The following PTPN5 variants were observed in gnomAD, a reference collection of about 807,000 sequenced individuals.
The protein encoded by PTPN5 is tyrosine-protein phosphatase non-receptor type 5.
A neutral mutation model predicts 73.9 loss-of-function variants in PTPN5; 29 were observed. The ratio of observed to expected loss-of-function variants is 0.39; its 90% confidence interval spans 0.29 to 0.54. PTPN5 has a LOEUF of 0.54. Ranked by LOEUF, PTPN5 falls within the 20% of genes least tolerant of loss-of-function variation. The probability of loss-of-function intolerance (pLI) is 0.65; values close to 1 mark genes in which losing one functional copy is unlikely to be tolerated. For synonymous variants in PTPN5, 267 were observed against 304.7 expected, an observed-to-expected ratio of 0.88 and a Z score of 1.29; for missense variants, 652 against 751.4, an observed-to-expected ratio of 0.87 and a Z score of 1.55.
chr11:18,791,215 C>A (rs1851907320), intron 1 of PTPN5, among the ~76,000 whole-genome samples: 1 of 152,228 alleles, frequency 6.6e-6, no homozygotes, highest in African/African-American at 2.4e-5. Context: ...CACCAGCCTC[C>A]GCCGGCCGCA....
At chr11:18,791,286 G>T (rs1009807569) in intron 1 of PTPN5, among the ~76,000 whole-genome samples, 2 of 152,336 alleles carry the variant, frequency 1.3e-5, no homozygotes, top group Admixed American at 1.3e-4. Flanking sequence ...GGGCTTCGTG[G>T]GGAGTGGCTG....
chr11:18,781,835 G>A (rs1056699414), intron 1 of PTPN5, among the ~76,000 whole-genome samples: 1 of 152,110 alleles, frequency 6.6e-6, no homozygotes, highest in Admixed American at 6.6e-5. Context: ...GCCCACTGAG[G>A]CTGTCTTATG....
upstream of PTPN5, chr11:18,792,079 G>T (rs1025549122): frequency 1.3e-5 from 2 of 152,356 alleles, no homozygotes; most frequent in Non-Finnish European, 2.9e-5. Context: ...AGTGGGAGCA[G>T]CGCATCCATT....
At chr11:18,767,740 T>C (rs1433318805) in intron 2 of PTPN5, among the ~76,000 whole-genome samples, 2 of 152,220 alleles carry the variant, frequency 1.3e-5, no homozygotes, top group Non-Finnish European at 1.5e-5. Flanking sequence ...ACATAACCTT[T>C]CTTGAAAAAA....
chr11:18,742,229 C>T lies in PTPN5; in HGVS notation c.725+33G>A. ...GATCAGGAGCTAAGAGCTCAAGGGCCCGTGGAGCCCACCCCTCCTCCACCC... is the reference window on the plus strand; with the variant it reads ...GATCAGGAGCTAAGAGCTCAAGGGCTCGTGGAGCCCACCCCTCCTCCACCC... On this transcript the variant is annotated intron_variant, in intron 7 of 14. Coordinates refer to ENST00000358540, the MANE Select transcript of PTPN5 (RefSeq NM_006906.2). This position sits in a 1 kb window ranked among gnomAD's most constrained non-coding sequence, Gnocchi z 4.1. 1 of 1,612,282 alleles carries T rather than the reference C, an allele frequency of 6.2e-7. No homozygotes were observed. The highest frequency in any genetic ancestry group is 2.2e-5 in the East Asian group (1 of 44,846).
intron 1 of PTPN5, among the ~76,000 whole-genome samples, chr11:18,776,068 G>A (rs545164846): frequency 1.3e-5 from 2 of 152,220 alleles, no homozygotes; most frequent in East Asian, 3.9e-4. Context: ...AAGGTTATCC[G>A]GTCTGATCCT....
At chr11:18,741,254 T>C (rs778249373) in intron 7 of PTPN5, among the ~76,000 whole-genome samples, 4 of 152,132 alleles carry the variant, frequency 2.6e-5, no homozygotes, top group Admixed American at 6.5e-5. Context: ...ATGAGGCTGC[T>C]GGTGAGTCAA....
chr11:18,774,798 C>A (rs1013577847), intron 1 of PTPN5, among the ~76,000 whole-genome samples: 1 of 151,700 alleles, frequency 6.6e-6, no homozygotes, highest in Admixed American at 6.6e-5. Flanking sequence ...TTCTCAGGGC[C>A]ACTTTGGCTT....
rs137886258 is a variant in PTPN5, at chr11:18,742,442, C to T, written c.545G>A (p.Arg182His). The T allele has an allele frequency of 7.4e-6, 12 of 1,614,090 alleles. No homozygotes were observed. Among genetic ancestry groups the T allele is most frequent in the African/African-American group, 6.7e-5 (5 of 75,054 alleles). Residue 182 changes from arginine to histidine, a missense_variant, in exon 7 of 15, where the codon CGC (arginine) becomes CAC (histidine). Transcript: ENST00000358540. The surrounding 1 kb of genome is among the most constrained non-coding windows in gnomAD (Gnocchi z 4.1). The stretch of plus-strand genomic sequence containing the variant: ...GGAGGGCTGGCGGCTCACTGACTGG[C>T]GCCTGTCCTCAGGGGGCAGTGGGGT... ...PPTPLPPEDR[R>H]QSVSRQPSFT...
intron 3 of PTPN5, among the ~76,000 whole-genome samples, chr11:18,758,059 G>A (rs1464354011): frequency 6.6e-6 from 1 of 152,174 alleles, no homozygotes; most frequent in Admixed American, 6.5e-5. Context: ...TGAGACATGG[G>A]ATGAAGGCCA....
At chr11:18,757,626 G>A (rs1306370438) in intron 3 of PTPN5, among the ~76,000 whole-genome samples, 3 of 152,158 alleles carry the variant, frequency 2.0e-5, no homozygotes, top group Non-Finnish European at 4.4e-5. Flanking sequence ...ACTGTTTGCA[G>A]AAGGTGTGTT....
intron 3 of PTPN5, chr11:18,749,490 G>A: frequency 1.9e-6 from 1 of 518,516 alleles, no homozygotes; most frequent in Non-Finnish European, 3.8e-6. Context: ...GGGGAGGGTG[G>A]GGGGCAGAAC....
At chr11:18,783,515 G>A (rs1219329772) in intron 1 of PTPN5, among the ~76,000 whole-genome samples, 1 of 152,164 alleles carries the variant, frequency 6.6e-6, no homozygotes, top group Non-Finnish European at 1.5e-5. Context: ...TACTGCCTAG[G>A]TTTAAATTCT....
At chr11:18,743,835 A>G in intron 4 of PTPN5, 171 bp downstream of exon 4, 1 of 742,134 alleles carries the variant, frequency 1.3e-6, no homozygotes, top group Non-Finnish European at 2.1e-6. Flanking sequence ...GCGGTAGCTC[A>G]GAATTCCAGC....
chr11:18,754,198 C>T (rs1231080319), intron 3 of PTPN5, among the ~76,000 whole-genome samples: 2 of 152,106 alleles, frequency 1.3e-5, no homozygotes, highest in African/African-American at 4.8e-5. Flanking sequence ...ACAAAACCAC[C>T]GAGTTGGAAG....
chr11:18,780,504 C>T (rs575442267), intron 1 of PTPN5, among the ~76,000 whole-genome samples: 2 of 152,156 alleles, frequency 1.3e-5, no homozygotes, highest in Non-Finnish European at 2.9e-5. Context: ...TGCACTCAGG[C>T]CTGGCCAGGA....
chr11:18,740,120 AGCTGGAGGCT>A (rs1849296434), intron 8 of PTPN5, among the ~76,000 whole-genome samples: 1 of 152,224 alleles, frequency 6.6e-6, no homozygotes, highest in Non-Finnish European at 1.5e-5. Context: ...AATAGGAGGC[AGCTGGAGGCT>A]GCTGCAGAAG....
chr11:18,743,812 C>G (rs1251409686), intron 4 of PTPN5, 194 bp downstream of exon 4: 1 of 641,726 alleles, frequency 1.6e-6, no homozygotes, highest in African/African-American at 1.9e-5. Flanking sequence ...GGTGTGAGGT[C>G]TCAGATGCTG....
At chr11:18,759,502 C>T (rs758307981) in intron 3 of PTPN5, among the ~76,000 whole-genome samples, 3 of 152,232 alleles carry the variant, frequency 2.0e-5, no homozygotes, top group Non-Finnish European at 4.4e-5. Context: ...TTAGCCTCTA[C>T]TATTGCTGAC....
Sources: allele counts gnomAD v4.1 joint callset (sites outside exome capture counted in the v4.1 genomes callset), GRCh38; gene constraint gnomAD v4.1.1; non-coding constraint Gnocchi (gnomAD v3.1); transcripts MANE v1.5; gene names NCBI Gene and HGNC (gene_info 2026-07-23, HGNC 2026-07-21).